HECW2: variants seen among roughly 807,000 people sequenced by gnomAD.
HECW2 encodes E3 ubiquitin-protein ligase HECW2.
In HECW2, 61 loss-of-function variants were observed where a neutral mutation model predicts 175.2. The ratio of observed to expected loss-of-function variants is 0.35; its 90% confidence interval spans 0.28 to 0.43. The LOEUF (loss-of-function observed/expected upper bound fraction) is 0.43. Among genes scored for constraint, HECW2 ranks in the 20% least tolerant of loss-of-function variants. The pLI is 1.00. For missense variants in HECW2, 1,524 were observed against 2,000.5 expected (o/e 0.76, Z 4.54); for synonymous variants, 671 against 731.0 (o/e 0.92, Z 1.32).
intron 1 of HECW2, among the ~76,000 whole-genome samples, chr2:196,460,028 A>G (rs143987654): frequency 3.9e-5 from 6 of 152,054 alleles, no homozygotes; most frequent in South Asian, 2.1e-4. Flanking sequence ...TCACCCTCCA[A>G]TTGTTTGTTT....
At chr2:196,412,573 T>C (rs367812527) in intron 2 of HECW2, among the ~76,000 whole-genome samples, 1 of 152,198 alleles carries the variant, frequency 6.6e-6, no homozygotes, top group African/African-American at 2.4e-5. Context: ...AGAACACCCT[T>C]TAGGGAATGT....
At chr2:196,298,482 T>C (rs1258496434) in intron 13 of HECW2, among the ~76,000 whole-genome samples, 1 of 152,168 alleles carries the variant, frequency 6.6e-6, no homozygotes, top group African/African-American at 2.4e-5. Context: ...TAATCTATTT[T>C]TCTTTTTTTT....
intron 2 of HECW2, among the ~76,000 whole-genome samples, chr2:196,406,223 A>G (rs1361386183): frequency 1.3e-5 from 2 of 152,094 alleles, no homozygotes; most frequent in Non-Finnish European, 2.9e-5. Context: ...AGGCAAGTCA[A>G]ATTTCACAGG....
intron 1 of HECW2, among the ~76,000 whole-genome samples, chr2:196,564,946 A>G (rs1690127417): frequency 9.6e-6 from 1 of 103,978 alleles, no homozygotes; most frequent in African/African-American, 3.5e-5. Flanking sequence ...ATTTGTTTCT[A>G]TGCTTTGATT....
intron 2 of HECW2, among the ~76,000 whole-genome samples, chr2:196,365,391 GT>G (rs1478158597): frequency 6.6e-6 from 1 of 152,158 alleles, no homozygotes; most frequent in Non-Finnish European, 1.5e-5. Context: ...TTTCCTTTGT[GT>G]TTTGCATTTT....
rs772902718 is a variant in HECW2, at chr2:196,292,750, T to C, written c.2815A>G (p.Ser939Gly). 1.2e-6 allele frequency: 2 copies of C among 1,608,108 alleles called. No homozygotes were observed. The highest frequency in any genetic ancestry group is 4.5e-5 in the East Asian group (2 of 44,724). Residue 939 changes from serine to glycine, a missense_variant and splice_region_variant, in exon 14 of 29, where the codon AGT becomes GGT. By Grantham distance (56) the Ser-to-Gly change is moderately conservative. Around this residue, in one of 11 missense-constraint regions of HECW2, gnomAD observed 105 missense variants for 98.1 expected, o/e 1.07. Coordinates refer to ENST00000644978, the MANE Select transcript of HECW2 (RefSeq NM_001348768.2). Reference protein sequence around the residue: ...EFFTVLHSNPSAYRMFTNNTC... With the variant: ...EFFTVLHSNPGAYRMFTNNTC... ...TTGTTTGTAAACATGCGGTAGGCAC[T>C]CTAAAGAAAAGAATGGAGAACCAAT...
At chr2:196,298,661 T>G (rs1690909556) in intron 13 of HECW2, among the ~76,000 whole-genome samples, 1 of 152,168 alleles carries the variant, frequency 6.6e-6, no homozygotes, top group South Asian at 2.1e-4. Flanking sequence ...GCCTACCCCA[T>G]GACAGGCCCC....
At chr2:196,310,353 A>G (rs1390866933) in intron 10 of HECW2, among the ~76,000 whole-genome samples, 1 of 152,234 alleles carries the variant, frequency 6.6e-6, no homozygotes, top group African/African-American at 2.4e-5. Context: ...GACAAATTCT[A>G]TAGTGCCAAT....
chr2:196,540,642 G>A (rs898140105), intron 1 of HECW2, among the ~76,000 whole-genome samples: 5 of 151,922 alleles, frequency 3.3e-5, no homozygotes, highest in East Asian at 1.9e-4. Context: ...ACGGGGTCTC[G>A]CTATGTTGCC....
At chr2:196,322,674 T>C in intron 6 of HECW2, 54 bp from the exon 7 acceptor site, 1 of 1,461,052 alleles carries the variant, frequency 6.8e-7, no homozygotes. Context: ...AATATGATAC[T>C]ATATCATTTT....
chr2:196,456,738 A>G (rs1696528286), intron 1 of HECW2, among the ~76,000 whole-genome samples: 1 of 152,220 alleles, frequency 6.6e-6, no homozygotes, highest in Non-Finnish European at 1.5e-5. Flanking sequence ...GCTGGCTAAG[A>G]AACTCCGGAT....
intron 2 of HECW2, among the ~76,000 whole-genome samples, chr2:196,353,424 G>T (rs1693243635): frequency 6.6e-6 from 1 of 152,034 alleles, no homozygotes; most frequent in African/African-American, 2.4e-5. Context: ...TAAATATATT[G>T]TCTGTCTTCT....
intron 2 of HECW2, among the ~76,000 whole-genome samples, chr2:196,427,463 G>C (rs753352799): frequency 2.0e-4 from 30 of 152,080 alleles, no homozygotes; most frequent in Non-Finnish European, 1.3e-4. Context: ...AAAGGTGAAG[G>C]GGAATTAGAT....
chr2:196,418,826 T>C (rs889041397), intron 2 of HECW2, among the ~76,000 whole-genome samples: 6 of 152,222 alleles, frequency 3.9e-5, no homozygotes, highest in South Asian at 2.1e-4. Context: ...ACTATGATCC[T>C]GAATATAGAG....
chr2:196,587,989 A>G (rs1010388071), intron 1 of HECW2, among the ~76,000 whole-genome samples: 5 of 152,098 alleles, frequency 3.3e-5, no homozygotes, highest in African/African-American at 4.8e-5. Context: ...CTGCAACTCT[A>G]TCCCTCAGGT....
At chr2:196,232,711 A>C (rs1266444928) in intron 21 of HECW2, among the ~76,000 whole-genome samples, 2 of 152,234 alleles carry the variant, frequency 1.3e-5, no homozygotes, top group African/African-American at 4.8e-5. Context: ...CTAAAACAAC[A>C]AAGACTGACC....
chr2:196,239,537 G>A (rs1226947553), intron 21 of HECW2: 1 of 152,198 alleles, frequency 6.6e-6, no homozygotes, highest in Non-Finnish European at 1.5e-5. Context: ...TCACTAATAT[G>A]ATTCCATAAT....
intron 13 of HECW2, among the ~76,000 whole-genome samples, chr2:196,299,702 G>A (rs1056036944): frequency 3.3e-5 from 5 of 152,102 alleles, no homozygotes; most frequent in Non-Finnish European, 5.9e-5. Context: ...GGCCGAGGTC[G>A]GCGGATCATG....
chr2:196,277,608 C>T (rs1690006875), intron 15 of HECW2, among the ~76,000 whole-genome samples: 1 of 152,120 alleles, frequency 6.6e-6, no homozygotes, highest in Non-Finnish European at 1.5e-5. Flanking sequence ...CCATTTGACC[C>T]AGCCATCCCA....
Sources: gnomAD v4.1 joint callset for allele counts (sites outside exome capture counted in the v4.1 genomes callset) on GRCh38, gnomAD v4.1.1 for gene constraint, gnomAD v4.1.1 regional missense constraint, MANE v1.5 for transcripts, NCBI Gene and HGNC (gene_info 2026-07-23, HGNC 2026-07-21) for gene names.